The following SCIN variants were observed in gnomAD, a reference collection of about 807,000 sequenced individuals.
SCIN encodes scinderin, also known as adseverin.
In SCIN, 91 loss-of-function variants were observed where a neutral mutation model predicts 91.8. The ratio of observed to expected loss-of-function variants is 0.99; its 90% CI spans 0.84 to 1.18. The LOEUF is 1.18. Ranked by LOEUF, SCIN falls within the 50% of genes most tolerant of loss-of-function variation. SCIN has a pLI of 0.00. For missense variants in SCIN, 1,087 were observed against 863.9 expected (o/e 1.26, Z -3.24); for synonymous variants, 367 against 312.6 (o/e 1.17, Z -1.84).
chr7:12,602,138 A>G (rs1449829749), intron 3 of SCIN, among the ~76,000 whole-genome samples: 1 of 152,216 alleles, frequency 6.6e-6, no homozygotes, highest in African/African-American at 2.4e-5. Context: ...GAGAAAGAGT[A>G]CAAAGAGAGG....
intron 3 of SCIN, among the ~76,000 whole-genome samples, chr7:12,601,201 T>C (rs570148388): frequency 6.6e-6 from 1 of 152,288 alleles, no homozygotes; most frequent in South Asian, 2.1e-4. Context: ...TCATCAGGAA[T>C]GTTAAGCGGG....
chr7:12,616,925 C>T (rs1057503211), intron 4 of SCIN, among the ~76,000 whole-genome samples: 5 of 152,022 alleles, frequency 3.3e-5, no homozygotes, highest in Non-Finnish European at 7.4e-5. Flanking sequence ...CCAGGTTTTG[C>T]CTGGAGAGGG....
intron 11 of SCIN, among the ~76,000 whole-genome samples, chr7:12,643,782 G>A (rs949415618): frequency 6.6e-6 from 1 of 152,166 alleles, no homozygotes; most frequent in East Asian, 1.9e-4. Flanking sequence ...CTCCGTCTCA[G>A]CTGCTCCCCC....
intron 13 of SCIN, among the ~76,000 whole-genome samples, chr7:12,645,767 A>C (rs545076205): frequency 2.4e-4 from 37 of 152,326 alleles, no homozygotes; most frequent in African/African-American, 8.7e-4. Flanking sequence ...TTCCTTACAC[A>C]GGGTATTTTA....
intron 4 of SCIN, among the ~76,000 whole-genome samples, chr7:12,617,451 C>T (rs778384501): frequency 3.3e-5 from 5 of 152,054 alleles, no homozygotes; most frequent in Admixed American, 6.6e-5. Flanking sequence ...GTTTCGGAAG[C>T]GTTCATCCAA....
At chr7:12,629,468 A>G (rs1783600000) in intron 9 of SCIN, among the ~76,000 whole-genome samples, 1 of 152,182 alleles carries the variant, frequency 6.6e-6, no homozygotes, top group South Asian at 2.1e-4. Context: ...ATCCTAAACC[A>G]GTGATGTTCT....
At chr7:12,635,611 CAAA>C (rs59324421) in intron 9 of SCIN, among the ~76,000 whole-genome samples, 1 of 5,848 alleles carries the variant, frequency 1.7e-4, no homozygotes, top group African/African-American at 3.5e-4. Context: ...GACTCCGTCT[CAAA>C]AAAAAAAAAA....
At position 12,658,031 on chromosome 7, in the gene SCIN, A is replaced by C. The variant is rs1784203554; in HGVS notation, c.*5316A>C. 6.6e-6 allele frequency: 1 copy of C among 152,174 alleles called. No homozygotes were observed. Among genetic ancestry groups the C allele is most frequent in the African/African-American group, 2.4e-5 (1 of 41,442 alleles). The allele number at this position is 152,174 out of a possible 1,614,324, so 9.4% of individuals were successfully genotyped here. On this transcript the variant is annotated 3_prime_UTR_variant, in exon 16 of 16. Coordinates refer to ENST00000297029, the MANE Select transcript of SCIN (RefSeq NM_001112706.3). ...CTTTACTAAAAATGTCTCATCATAA[A>C]TTGTTTTCCATTATTTCTGTGCTGA...
chr7:12,591,165 G>A (rs552073387), intron 3 of SCIN, among the ~76,000 whole-genome samples: 2 of 152,308 alleles, frequency 1.3e-5, no homozygotes, highest in African/African-American at 4.8e-5. Flanking sequence ...GAATGAGTAG[G>A]AAGGGAAGAG....
intron 4 of SCIN, among the ~76,000 whole-genome samples, chr7:12,613,236 A>G (rs1024995001): frequency 6.6e-6 from 1 of 152,206 alleles, no homozygotes; most frequent in African/African-American, 2.4e-5. Context: ...TTTTTTCAGT[A>G]ATTTTAGGTC....
intron 4 of SCIN, among the ~76,000 whole-genome samples, chr7:12,607,863 G>C (rs1783110236): frequency 6.6e-6 from 1 of 152,172 alleles, no homozygotes; most frequent in Non-Finnish European, 1.5e-5. Flanking sequence ...TCTTAGTGTT[G>C]TAATGATAAG....
chr7:12,581,127 A>G lies in SCIN; in HGVS notation c.422A>G (p.His141Arg), dbSNP rs1278940490. 3.2e-6 allele frequency: 5 copies of G among 1,551,328 alleles called. No homozygotes were observed. The highest frequency in any genetic ancestry group is 1.4e-5 in the African/African-American group (1 of 73,034). Reference sequence around the variant, plus strand: ...GACCTGACAGCCAAGAGGCTCCTACATGTGAAGGGTCGTAGAGTGGTGAGA... The same window carrying G: ...GACCTGACAGCCAAGAGGCTCCTACGTGTGAAGGGTCGTAGAGTGGTGAGA... ...TNDLTAKRLL[H>R]VKGRRVVRAT... Residue 141 changes from histidine (H) to arginine (R), a missense_variant, in exon 3 of 16, where the codon CAT (histidine) becomes CGT (arginine). His to Arg is a conservative substitution (Grantham distance 29). Transcript: ENST00000297029.
chr7:12,634,056 C>G (rs1175431069), intron 9 of SCIN, among the ~76,000 whole-genome samples: 1 of 151,646 alleles, frequency 6.6e-6, no homozygotes, highest in Non-Finnish European at 1.5e-5. Flanking sequence ...ATAAGATACA[C>G]ACCCTGTTCC....
At chr7:12,615,384 G>A (rs1232523947) in intron 4 of SCIN, among the ~76,000 whole-genome samples, 1 of 151,970 alleles carries the variant, frequency 6.6e-6, no homozygotes, top group African/African-American at 2.4e-5. Flanking sequence ...GTTCTCATGA[G>A]GTCTGATGGT....
intron 15 of SCIN, among the ~76,000 whole-genome samples, chr7:12,652,235 CTG>C (rs1562639449): frequency 6.6e-6 from 1 of 152,188 alleles, no homozygotes; most frequent in Non-Finnish European, 1.5e-5. Context: ...TTTGACTATG[CTG>C]TTCTTTCTGG....
rs781411860 is a variant in SCIN at position 12,651,483 on chromosome 7, G to A, written c.1960-358G>A. Among the ~76,000 whole-genome samples, 4 of 151,748 alleles carry A rather than the reference G, an allele frequency of 2.6e-5. No homozygotes were observed. Among genetic ancestry groups the A allele is most frequent in the Non-Finnish European group, 5.9e-5 (4 of 67,958 alleles). On this transcript the variant is annotated intron_variant, in intron 14 of 15. Coordinates refer to ENST00000297029, the MANE Select transcript of SCIN (RefSeq NM_001112706.3). The surrounding 1 kb of genome is among the most constrained non-coding windows in gnomAD (Gnocchi z 5.9). ...AGTGTATTCGGAGGTGAAATATTTT[G>A]GTTTCCTTCGACTGCTGTCACACCC...
intron 4 of SCIN, among the ~76,000 whole-genome samples, chr7:12,620,083 C>T (rs1783377150): frequency 1.3e-5 from 2 of 151,662 alleles, no homozygotes; most frequent in Admixed American, 1.3e-4. Flanking sequence ...CATATATGTA[C>T]AAACTTTGTC....
chr7:12,581,717 ATTATC>A (rs1782491798), intron 3 of SCIN, among the ~76,000 whole-genome samples: 1 of 152,192 alleles, frequency 6.6e-6, no homozygotes, highest in Non-Finnish European at 1.5e-5. Context: ...AATATCAAGT[ATTATC>A]TTAATGGCAT....
At chr7:12,590,426 TG>T (rs543921482) in intron 3 of SCIN, among the ~76,000 whole-genome samples, 55 of 151,274 alleles carry the variant, frequency 3.6e-4, no homozygotes, top group African/African-American at 1.2e-3. Flanking sequence ...GGTGAATAGA[TG>T]GGGGGAGGAG....
Sources: gnomAD v4.1 joint callset for allele counts (sites outside exome capture counted in the v4.1 genomes callset) on GRCh38, gnomAD v4.1.1 for gene constraint, Gnocchi (gnomAD v3.1) non-coding constraint, MANE v1.5 for transcripts, NCBI Gene and HGNC (gene_info 2026-07-23, HGNC 2026-07-21) for gene names.